The following ANO6 variants were observed in gnomAD, a reference collection of about 807,000 sequenced individuals.
The protein encoded by ANO6 is anoctamin-6.
A neutral mutation model predicts 117.5 loss-of-function variants in ANO6; 106 were observed. The observed-to-expected ratio is 0.90, with a 90% CI of 0.77 to 1.06. The LOEUF (loss-of-function observed/expected upper bound fraction) is 1.06. Ranked by LOEUF, ANO6 falls within the 50% of genes least tolerant of loss-of-function variation. The pLI, the probability that ANO6 is intolerant of heterozygous loss-of-function variation, is 0.00. For missense variants in ANO6, 955 were observed against 1,121.1 expected (o/e 0.85, Z 2.12); for synonymous variants, 367 against 385.1 (o/e 0.95, Z 0.55).
intron 16 of ANO6, among the ~76,000 whole-genome samples, chr12:45,415,835 T>C (rs973757301): frequency 6.6e-6 from 1 of 152,302 alleles, no homozygotes; most frequent in East Asian, 1.9e-4. Context: ...TGGAACTCTA[T>C]GTTTTCCTCC....
At chr12:45,352,508 C>T (rs903160381) in intron 7 of ANO6, among the ~76,000 whole-genome samples, 2 of 146,666 alleles carry the variant, frequency 1.4e-5, no homozygotes, top group African/African-American at 2.5e-5. Flanking sequence ...AGGATGATCG[C>T]TTGAGGCCAG....
downstream of ANO6, among the ~76,000 whole-genome samples, chr12:45,433,561 T>A (rs1489080350): frequency 6.6e-6 from 1 of 152,184 alleles, no homozygotes; most frequent in Non-Finnish European, 1.5e-5. Context: ...TTGCCATTGA[T>A]AAGCAATGGG....
At chr12:45,436,219 T>C (rs1349825978), downstream of ANO6, among the ~76,000 whole-genome samples, 1 of 152,164 alleles carries the variant, frequency 6.6e-6, no homozygotes, top group Non-Finnish European at 1.5e-5. Context: ...CCACTTCTGC[T>C]TAGCTGCCTA....
chr12:45,282,947 A>C (rs1483513562), intron 1 of ANO6, among the ~76,000 whole-genome samples: 2 of 152,144 alleles, frequency 1.3e-5, no homozygotes, highest in Admixed American at 1.3e-4. Flanking sequence ...ACATTACAAA[A>C]ATTGGCTTTA....
chr12:45,424,334 T>TTTTTTTG (rs1565773226), intron 19 of ANO6, among the ~76,000 whole-genome samples: 38 of 121,758 alleles, frequency 3.1e-4, no homozygotes, highest in Admixed American at 2.4e-4. Context: ...TGGGTTTTTT[T>TTTTTTTG]TTTTTTTTTT....
At chr12:45,417,945 A>G (rs1199360947) in intron 17 of ANO6, among the ~76,000 whole-genome samples, 2 of 151,916 alleles carry the variant, frequency 1.3e-5, no homozygotes, top group Admixed American at 6.6e-5. Context: ...AGGCCTTACC[A>G]CTCCAGAGCC....
intron 19 of ANO6, among the ~76,000 whole-genome samples, chr12:45,426,675 T>A (rs1943510988): frequency 1.3e-5 from 2 of 152,076 alleles, no homozygotes; most frequent in African/African-American, 2.4e-5. Context: ...AAACTCCTCC[T>A]CACTGGGCTC....
intron 10 of ANO6, among the ~76,000 whole-genome samples, chr12:45,381,767 C>CA (rs1323587894): frequency 1.3e-5 from 2 of 152,106 alleles, no homozygotes; most frequent in Non-Finnish European, 2.9e-5. Context: ...TAAACAGAAG[C>CA]ATTTTACCCA....
Position 45,294,159 on chromosome 12 carries a change from G to T in ANO6, c.71-7855G>T, listed in dbSNP as rs371594823. Among the ~76,000 whole-genome samples, 4 of 152,196 alleles carry T rather than the reference G, an allele frequency of 2.6e-5. No individual in the cohort carries two copies. The East Asian group carries it at 5.8e-4, about 22-fold the overall frequency. ...TTAGTGACTTACCAAAATATTGATA[G>T]TGAAGGAAAGAGAAAGGTCAAGAAT... On this transcript the variant is annotated intron_variant, in intron 1 of 19. Transcript: ENST00000320560.
At chr12:45,222,804 AC>A (rs774432388) in intron 1 of ANO6, among the ~76,000 whole-genome samples, 1 of 152,192 alleles carries the variant, frequency 6.6e-6, no homozygotes, top group Admixed American at 6.5e-5. Context: ...CCTGCCCCAT[AC>A]CCTGGAGGAA....
intron 9 of ANO6, 117 bp downstream of exon 9, chr12:45,367,910 C>G: frequency 2.6e-6 from 2 of 770,810 alleles, no homozygotes; most frequent in African/African-American, 1.7e-5. Flanking sequence ...TATTTTTCAA[C>G]TAACCTTTCA....
chr12:45,370,587 A>G (rs769233024), intron 9 of ANO6, among the ~76,000 whole-genome samples: 11 of 152,248 alleles, frequency 7.2e-5, no homozygotes, highest in Admixed American at 4.6e-4. Flanking sequence ...TGGAAGTGGC[A>G]TTGGACAGAA....
intron 17 of ANO6, among the ~76,000 whole-genome samples, chr12:45,418,390 G>A (rs1943268261): frequency 6.6e-6 from 1 of 152,130 alleles, no homozygotes; most frequent in Non-Finnish European, 1.5e-5. Flanking sequence ...AACATCTACT[G>A]TGCTGCAAAA....
intron 9 of ANO6, among the ~76,000 whole-genome samples, chr12:45,370,406 A>G (rs564804223): frequency 1.9e-4 from 29 of 152,144 alleles, no homozygotes; most frequent in Non-Finnish European, 4.0e-4. Flanking sequence ...CTCTTTCATA[A>G]TGCTCCCATT....
At chr12:45,315,983 C>T (rs1034068329) in intron 2 of ANO6, among the ~76,000 whole-genome samples, 1 of 152,042 alleles carries the variant, frequency 6.6e-6, no homozygotes, top group Non-Finnish European at 1.5e-5. Flanking sequence ...TCATAGTCTT[C>T]CCATTACCAC....
intron 1 of ANO6, among the ~76,000 whole-genome samples, chr12:45,273,954 A>G (rs1938467748): frequency 6.6e-6 from 1 of 152,216 alleles, no homozygotes; most frequent in Non-Finnish European, 1.5e-5. Context: ...CTTGGAGCTC[A>G]TGCTTATCTC....
chr12:45,356,511 A>G (rs1050863142), intron 7 of ANO6, among the ~76,000 whole-genome samples: 7 of 152,246 alleles, frequency 4.6e-5, no homozygotes, highest in African/African-American at 9.6e-5. Context: ...AATATTTTGA[A>G]TGTTATATGT....
chr12:45,328,417 G>A (rs1188427412), intron 2 of ANO6, among the ~76,000 whole-genome samples: 2 of 151,714 alleles, frequency 1.3e-5, no homozygotes, highest in African/African-American at 4.8e-5. Flanking sequence ...TTTGCATTTT[G>A]ATAAAAATGA....
chr12:45,317,113 G>GTGTGTGTATATA, intron 2 of ANO6, among the ~76,000 whole-genome samples: 2,916 of 66,396 alleles, frequency 0.044, 540 homozygotes, highest in African/African-American at 0.1. Flanking sequence ...CTTTTTATAT[G>GTGTGTGTATATA]TATATATATA....
Sources: allele counts gnomAD v4.1 joint callset (sites outside exome capture counted in the v4.1 genomes callset), GRCh38; gene constraint gnomAD v4.1.1; transcripts MANE v1.5; gene names NCBI Gene and HGNC (gene_info 2026-07-23, HGNC 2026-07-21).